Variants in SCN11A observed in about 807,000 individuals in gnomAD.
SCN11A encodes sodium voltage-gated channel alpha subunit 11.
A neutral mutation model predicts 162.2 loss-of-function variants in SCN11A; 122 were observed. That is an observed-to-expected ratio of 0.75 (90% CI 0.65 to 0.87). SCN11A has a LOEUF of 0.87. Among genes scored for constraint, SCN11A ranks in the 40% least tolerant of loss-of-function variants. The pLI is 0.00. For missense variants in SCN11A, 2,015 were observed against 2,181.6 expected (o/e 0.92, Z 1.52); for synonymous variants, 758 against 751.5 (o/e 1.01, Z -0.14).
chr3:39,012,968 G>C (rs1401896800), intron 2 of SCN11A, among the ~76,000 whole-genome samples: 1 of 152,168 alleles, frequency 6.6e-6, no homozygotes, highest in Non-Finnish European at 1.5e-5. Context: ...CATTTCTACA[G>C]TTTCTACTGC....
In SCN11A at chr3:39,032,419, G is replaced by A. The variant is rs1388185428; in HGVS notation, c.-319C>T. Among the ~76,000 whole-genome samples the A allele has an allele frequency of 1.3e-5, 2 of 152,004 alleles. No individual in the cohort carries two copies. Among genetic ancestry groups the A allele is most frequent in the African/African-American group, 4.8e-5 (2 of 41,376 alleles). ...AAACAAGATGCCAACTCTAGGGTAC[G>A]GTGGAAAGACATACTGGATACTTTC... On this transcript the variant is annotated 5_prime_UTR_variant, in exon 2 of 30. Transcript: ENST00000302328.
At chr3:38,869,842 G>T (rs1431386355) in intron 26 of SCN11A, among the ~76,000 whole-genome samples, 1 of 152,166 alleles carries the variant, frequency 6.6e-6, no homozygotes, top group Non-Finnish European at 1.5e-5. Flanking sequence ...TCAACTGTAA[G>T]TATTATGCAA....
rs2064924333 is a variant in SCN11A at position 38,859,317 on chromosome 3, T to C, written c.4056+3878A>G. ...AGAAGAGAGATCAAAATAAGCTCAA[T>C]TAAAAATGATACAGGAGATAGTACA... is the stretch of plus-strand genomic sequence containing the variant. On this transcript the variant is annotated intron_variant, in intron 28 of 29. Transcript: ENST00000302328. Among the ~76,000 whole-genome samples, 4 of 152,092 alleles carry C rather than the reference T, an allele frequency of 2.6e-5. No homozygotes were observed. In the South Asian group the frequency reaches 8.3e-4, roughly 32 times the overall value.
Position 38,863,293 on chromosome 3 carries a change from C to T in SCN11A, c.3958G>A (p.Gly1320Ser), listed in dbSNP as rs577088346. The change falls in exon 28 of 30, where the codon GGC (glycine) becomes AGC (serine). Residue 1320 changes from glycine to serine, a missense_variant. Gly to Ser is a moderately conservative substitution (Grantham distance 56). Transcript: ENST00000302328. ...TCTTCTGTCATAAAAATGTCTTGGCCACCTAAGTATATGGAGAAGATAAGA... is the reference window on the plus strand; with the variant it reads ...TCTTCTGTCATAAAAATGTCTTGGCTACCTAAGTATATGGAGAAGATAAGA... The part of the protein sequence containing the change: ...NFNQQQKKLG[G>S]QDIFMTEEQK... 121 of 1,556,248 alleles carry T rather than the reference C, an allele frequency of 7.8e-5. 4 individuals carry two copies. In the South Asian group the frequency reaches 1.3e-3, roughly 17 times the overall value.
chr3:38,947,717 C>T (rs2066539201), intron 5 of SCN11A, among the ~76,000 whole-genome samples: 1 of 152,186 alleles, frequency 6.6e-6, no homozygotes, highest in South Asian at 2.1e-4. Context: ...AATGAAGCAG[C>T]CCCTGGACAA....
intron 2 of SCN11A, among the ~76,000 whole-genome samples, chr3:38,963,054 T>C (rs949889127): frequency 2.6e-5 from 4 of 151,388 alleles, no homozygotes; most frequent in Non-Finnish European, 5.9e-5. Flanking sequence ...AAACAGTAGA[T>C]GTTGGCGTGG....
chr3:38,873,634 T>A (rs574313230), intron 23 of SCN11A, among the ~76,000 whole-genome samples: 1 of 152,160 alleles, frequency 6.6e-6, no homozygotes, highest in Non-Finnish European at 1.5e-5. Context: ...ATTGTCATAG[T>A]TGGTGAGAAG....
chr3:38,948,589 C>T (rs1235997921), intron 5 of SCN11A, among the ~76,000 whole-genome samples: 1 of 152,218 alleles, frequency 6.6e-6, no homozygotes. Context: ...GCTCTGGTTT[C>T]CTCATCTGTA....
intron 7 of SCN11A, among the ~76,000 whole-genome samples, chr3:38,940,688 A>T (rs1054539051): frequency 5.3e-5 from 8 of 150,082 alleles, no homozygotes; most frequent in African/African-American, 1.7e-4. Context: ...TTAAATTTTT[A>T]AAAAAGGAAA....
intron 16 of SCN11A, among the ~76,000 whole-genome samples, chr3:38,901,155 G>A (rs942580656): frequency 2.6e-5 from 4 of 152,126 alleles, no homozygotes; most frequent in African/African-American, 9.7e-5. Context: ...AAAAATAATG[G>A]ATTATCTATT....
chr3:38,886,142 TGG>T lies in SCN11A; in HGVS notation c.2930_2931del (p.Thr977AsnfsTer9), dbSNP rs1559507974. 6.2e-7 allele frequency: 1 copy of T among 1,611,318 alleles called. No homozygotes were observed. Among genetic ancestry groups the T allele is most frequent in the Non-Finnish European group, 8.5e-7 (1 of 1,178,408 alleles). ...AAAATTACCTTTCGGGGATCCTGTA[TGG>T]TCAGATGAGGCTCATCTTCAGAGAA... is the stretch of plus-strand genomic sequence containing the variant. ...DMFSEDEPHL[T>X]IQDPRKKSDV... On this transcript the variant is annotated frameshift_variant, in exon 20 of 30. Transcript: ENST00000302328. LOFTEE classifies it high-confidence loss of function.
chr3:38,973,427 CAT>C (rs201470377), intron 2 of SCN11A, among the ~76,000 whole-genome samples: 3,413 of 145,612 alleles, frequency 0.023, 82 homozygotes, highest in African/African-American at 0.067. Context: ...CACACACACA[CAT>C]ATAATTATAT....
At chr3:38,918,799 C>A (rs80327394) in intron 11 of SCN11A, among the ~76,000 whole-genome samples, 2 of 152,156 alleles carry the variant, frequency 1.3e-5, no homozygotes, top group Non-Finnish European at 2.9e-5. Context: ...AAGGTCACAA[C>A]CCCATCATAC....
chr3:38,969,459 G>A (rs1169307955), intron 2 of SCN11A, among the ~76,000 whole-genome samples: 4 of 152,102 alleles, frequency 2.6e-5, no homozygotes, highest in Non-Finnish European at 5.9e-5. Context: ...CTGCCTGCAC[G>A]GCCCCTCCTT....
At chr3:39,041,922 TAA>T (rs2032057223) in intron 1 of SCN11A, among the ~76,000 whole-genome samples, 1 of 152,170 alleles carries the variant, frequency 6.6e-6, no homozygotes, top group South Asian at 2.1e-4. Context: ...ACCTTGAATG[TAA>T]ATGGATTAAA....
intron 2 of SCN11A, among the ~76,000 whole-genome samples, chr3:38,963,925 G>C (rs1050214272): frequency 6.6e-6 from 1 of 152,134 alleles, no homozygotes; most frequent in Non-Finnish European, 1.5e-5. Context: ...TCACATTTAA[G>C]TCACATTCAG....
At position 38,924,553 on chromosome 3, in the gene SCN11A, A is replaced by C. The variant is rs371055656; in HGVS notation, c.712+862T>G. Among the ~76,000 whole-genome samples the C allele has an allele frequency of 1.3e-4, 20 of 152,128 alleles. No individual in the cohort carries two copies. In the East Asian group the frequency reaches 2.3e-3, roughly 18 times the overall value. ...CACACCTGATTACTTTTGTATTTTT[A>C]GTAGAGATGGGGTTTCTCCATGTTG... On this transcript the variant is annotated intron_variant, in intron 9 of 29. Coordinates refer to ENST00000302328, the MANE Select transcript of SCN11A (RefSeq NM_001349253.2).
At chr3:39,048,125 T>C (rs2032229136) in intron 1 of SCN11A, among the ~76,000 whole-genome samples, 1 of 152,120 alleles carries the variant, frequency 6.6e-6, no homozygotes, top group Non-Finnish European at 1.5e-5. Flanking sequence ...TAAGTGTCCA[T>C]CAAAAGAAGA....
chr3:38,941,146 G>A (rs544273911), intron 7 of SCN11A, among the ~76,000 whole-genome samples: 2 of 152,298 alleles, frequency 1.3e-5, no homozygotes, highest in Non-Finnish European at 2.9e-5. Context: ...TAAGGTGGCC[G>A]AGGGTGGGGT....
Sources: gnomAD v4.1 joint callset for allele counts (sites outside exome capture counted in the v4.1 genomes callset) on GRCh38, gnomAD v4.1.1 for gene constraint, MANE v1.5 for transcripts, NCBI Gene and HGNC (gene_info 2026-07-23, HGNC 2026-07-21) for gene names.